The following CADPS variants were observed in gnomAD, a reference collection of about 807,000 sequenced individuals.
CADPS encodes the protein calcium dependent secretion activator.
In CADPS, 57 loss-of-function variants were observed where a neutral mutation model predicts 167.3. The ratio of observed to expected loss-of-function variants is 0.34; its 90% CI spans 0.28 to 0.42. The LOEUF is 0.42. Ranked by LOEUF, CADPS falls within the 20% of genes least tolerant of loss-of-function variation. The pLI, the probability that CADPS is intolerant of heterozygous loss-of-function variation, is 1.00. For synonymous variants in CADPS, 676 were observed against 635.3 expected, an observed-to-expected ratio of 1.06 and a Z score of -0.96; for missense variants, 1,414 against 1,738.1, an observed-to-expected ratio of 0.81 and a Z score of 3.32.
intron 22 of CADPS, among the ~76,000 whole-genome samples, chr3:62,480,308 TAAGAG>T (rs1471327771): frequency 6.6e-6 from 1 of 152,192 alleles, no homozygotes; most frequent in Non-Finnish European, 1.5e-5. Flanking sequence ...CAGAGGAAGA[TAAGAG>T]AAGCTTTCTG....
chr3:62,655,758 A>C (rs1481975426), intron 4 of CADPS, among the ~76,000 whole-genome samples: 2 of 152,140 alleles, frequency 1.3e-5, no homozygotes, highest in African/African-American at 4.8e-5. Flanking sequence ...CCGGTGCTAG[A>C]CACTGGAGCT....
At chr3:62,619,064 C>T (rs1349294881) in intron 6 of CADPS, among the ~76,000 whole-genome samples, 1 of 152,246 alleles carries the variant, frequency 6.6e-6, no homozygotes, top group Non-Finnish European at 1.5e-5. Context: ...GGAGCACATC[C>T]ATGCCCATTT....
At chr3:62,682,404 G>A (rs1197796875) in intron 3 of CADPS, among the ~76,000 whole-genome samples, 1 of 152,066 alleles carries the variant, frequency 6.6e-6, no homozygotes, top group Non-Finnish European at 1.5e-5. Context: ...CACTAGAGAT[G>A]CTAACTACTC....
chr3:62,432,152 G>A (rs565996539), intron 28 of CADPS, among the ~76,000 whole-genome samples: 50 of 152,102 alleles, frequency 3.3e-4, no homozygotes, highest in African/African-American at 8.4e-4. Flanking sequence ...AAAATCACTT[G>A]AAGGAACAAG....
intron 28 of CADPS, among the ~76,000 whole-genome samples, chr3:62,417,897 A>C (rs930616972): frequency 1.3e-5 from 2 of 152,036 alleles, no homozygotes; most frequent in Non-Finnish European, 2.9e-5. Flanking sequence ...GAGAACAATG[A>C]CATGTGCCTA....
intron 1 of CADPS, among the ~76,000 whole-genome samples, chr3:62,858,672 T>A (rs933554413): frequency 6.6e-6 from 1 of 152,228 alleles, no homozygotes; most frequent in Non-Finnish European, 1.5e-5. Flanking sequence ...TCATTTGAAC[T>A]TCAATTGGCT....
At chr3:62,414,300 G>T (rs2049576166) in intron 28 of CADPS, among the ~76,000 whole-genome samples, 1 of 152,144 alleles carries the variant, frequency 6.6e-6, no homozygotes, top group Admixed American at 6.5e-5. Context: ...GACCCCAGTT[G>T]CCCAAAAGGG....
chr3:62,635,136 G>A (rs1017504787), intron 6 of CADPS, among the ~76,000 whole-genome samples: 5 of 150,870 alleles, frequency 3.3e-5, no homozygotes, highest in Non-Finnish European at 4.4e-5. Context: ...GCAGGCAGGT[G>A]AAAAAGAGAA....
intron 3 of CADPS, among the ~76,000 whole-genome samples, chr3:62,709,946 T>G (rs144167575): frequency 0.09 from 13,589 of 151,302 alleles, 760 homozygotes; most frequent in South Asian, 0.16. Context: ...ATTTTTTTTG[T>G]ATTTTAGTAG....
At chr3:62,761,385 A>C (rs1218153986) in intron 2 of CADPS, among the ~76,000 whole-genome samples, 2 of 152,022 alleles carry the variant, frequency 1.3e-5, no homozygotes, top group African/African-American at 4.8e-5. Context: ...CAATACAAAC[A>C]AACAAAAAAA....
intron 1 of CADPS, among the ~76,000 whole-genome samples, chr3:62,793,277 A>T (rs1009775930): frequency 7.4e-6 from 1 of 134,368 alleles, no homozygotes; most frequent in African/African-American, 4.0e-5. Context: ...CTATTTATTT[A>T]AAATATGGTC....
intron 1 of CADPS, among the ~76,000 whole-genome samples, chr3:62,767,862 C>T (rs965366577): frequency 3.9e-5 from 6 of 152,090 alleles, no homozygotes; most frequent in Middle Eastern, 3.2e-3. Flanking sequence ...GCCAAAATAA[C>T]GTTTCAACAT....
At chr3:62,712,682 T>A (rs768264441) in intron 3 of CADPS, among the ~76,000 whole-genome samples, 2 of 152,262 alleles carry the variant, frequency 1.3e-5, no homozygotes, top group Non-Finnish European at 2.9e-5. Context: ...CCTTTTGGAA[T>A]GAGGCAGGGT....
intron 1 of CADPS, among the ~76,000 whole-genome samples, chr3:62,846,236 G>A (rs992433430): frequency 6.6e-6 from 1 of 152,132 alleles, no homozygotes; most frequent in Non-Finnish European, 1.5e-5. Context: ...GTCTCAGGTA[G>A]TTATTTATAG....
chr3:62,698,915 A>AAG (rs2080885289), intron 3 of CADPS, among the ~76,000 whole-genome samples: 1 of 149,588 alleles, frequency 6.7e-6, no homozygotes, highest in Non-Finnish European at 1.5e-5. Context: ...ATTTTTTTTA[A>AAG]AATTTCTGAC....
Position 62,573,101 on chromosome 3 carries a change from C to T in CADPS, c.1578-2163G>A, listed in dbSNP as rs896534477. Among the ~76,000 whole-genome samples the T allele has an allele frequency of 7.9e-5, 12 of 152,234 alleles. No homozygotes were observed. In the East Asian group the frequency reaches 9.7e-4, roughly 12 times the overall value. On this transcript the variant is annotated intron_variant, in intron 8 of 29. Coordinates refer to ENST00000383710, the MANE Select transcript of CADPS (RefSeq NM_003716.4). ...TTCACCATGTTGACTAGGCTGGTCTCGAACTCTTGACCTCAGGTGATCTGG... is the reference window on the plus strand; with the variant it reads ...TTCACCATGTTGACTAGGCTGGTCTTGAACTCTTGACCTCAGGTGATCTGG...
chr3:62,582,359 T>C (rs1011830006), intron 8 of CADPS, among the ~76,000 whole-genome samples: 5 of 152,192 alleles, frequency 3.3e-5, no homozygotes. Flanking sequence ...GGTGGGAGGA[T>C]GGCTTGAGCC....
intron 1 of CADPS, among the ~76,000 whole-genome samples, chr3:62,805,071 C>G (rs937271850): frequency 2.9e-4 from 44 of 152,042 alleles, no homozygotes; most frequent in Admixed American, 6.6e-5. Context: ...GGTGGCAGTC[C>G]TAGGCATGGT....
intron 10 of CADPS, 38 bp from the exon 11 acceptor site, chr3:62,550,153 G>A: frequency 1.3e-6 from 2 of 1,535,166 alleles, no homozygotes; most frequent in Non-Finnish European, 1.8e-6. Context: ...ACTAAGCTGA[G>A]CTGTGATGTT....
Sources: allele counts gnomAD v4.1 joint callset (sites outside exome capture counted in the v4.1 genomes callset), GRCh38; gene constraint gnomAD v4.1.1; transcripts MANE v1.5; gene names NCBI Gene and HGNC (gene_info 2026-07-23, HGNC 2026-07-21).